MAST4: variants seen among roughly 807,000 people sequenced by gnomAD.
MAST4 encodes microtubule associated serine/threonine kinase family member 4.
Under a neutral mutation model 162.7 loss-of-function variants are expected in MAST4, and 89 were observed. That is an observed-to-expected ratio of 0.55 (90% confidence interval 0.46 to 0.65). The LOEUF is 0.65. MAST4 is among the 30% of genes least tolerant of loss of function. The pLI, the probability that MAST4 is intolerant of heterozygous loss-of-function variation, is 0.00. For missense variants in MAST4, 3,153 were observed against 3,374.0 expected (o/e 0.93, Z 1.62); for synonymous variants, 1,479 against 1,361.1 (o/e 1.09, Z -1.91).
chr5:66,915,148 C>T (rs1047933052), intron 4 of MAST4, among the ~76,000 whole-genome samples: 52 of 151,956 alleles, frequency 3.4e-4, no homozygotes, highest in African/African-American at 1.2e-3. Context: ...CACTTGTAAT[C>T]CCAGCTATTC....
In MAST4 at chr5:66,596,398, G is replaced by A; in HGVS notation, c.-258G>A. 5.2e-6 allele frequency: 2 copies of A among 384,068 alleles called. No homozygotes were observed. The highest frequency in any genetic ancestry group is 3.8e-5 in the East Asian group (1 of 26,168). The allele number at this position is 384,068 out of a possible 1,614,324, so 23.8% of individuals were successfully genotyped here. ...CTCGGGTGCAGCGCGGGAGCACAGT[G>A]GAGCGCAGATCGCGGACCCGAGCGG... On this transcript the variant is annotated 5_prime_UTR_variant, in exon 1 of 29. Transcript: ENST00000403625.
intron 3 of MAST4, among the ~76,000 whole-genome samples, chr5:66,809,459 C>G (rs1454103211): frequency 6.6e-6 from 1 of 152,126 alleles, no homozygotes; most frequent in Non-Finnish European, 1.5e-5. Context: ...GTTCAGTCAT[C>G]CTGTTGTCGT....
chr5:66,911,729 GTC>G (rs1186600161), intron 4 of MAST4, among the ~76,000 whole-genome samples: 1 of 151,800 alleles, frequency 6.6e-6, no homozygotes, highest in Non-Finnish European at 1.5e-5. Flanking sequence ...GTGGTACCCT[GTC>G]TCTAAAAAAT....
intron 1 of MAST4, among the ~76,000 whole-genome samples, chr5:66,729,836 A>T (rs1357101931): frequency 2.0e-5 from 3 of 152,334 alleles, no homozygotes; most frequent in South Asian, 4.1e-4. Flanking sequence ...TTTAAAATTA[A>T]TAAGTGCTGA....
intron 5 of MAST4, among the ~76,000 whole-genome samples, chr5:67,058,331 G>C (rs1759113394): frequency 6.6e-6 from 1 of 152,146 alleles, no homozygotes; most frequent in Non-Finnish European, 1.5e-5. Flanking sequence ...GGGTTGATGT[G>C]AATTAGTGTA....
rs898844934 is a variant in MAST4, at chr5:66,704,732, C to G, written c.364-54977C>G. ...AGCCAGGATGGTCTCTATCTCCTGA[C>G]CTCGTGATCCGCCTGCCTCAGCCTC... On this transcript the variant is annotated intron_variant, in intron 1 of 28. Coordinates refer to ENST00000403625, the MANE Select transcript of MAST4 (RefSeq NM_001164664.2). 3.3e-5 allele frequency among the ~76,000 whole-genome samples: 5 copies of G among 152,050 alleles called. No homozygotes were observed. The East Asian group carries it at 9.6e-4, about 29-fold the overall frequency.
intron 2 of MAST4, among the ~76,000 whole-genome samples, chr5:66,786,873 T>G (rs1755142433): frequency 6.6e-6 from 1 of 152,190 alleles, no homozygotes; most frequent in Non-Finnish European, 1.5e-5. Flanking sequence ...TTAATTGACA[T>G]TTGCTACATT....
At chr5:66,817,338 A>G (rs1215072508) in intron 3 of MAST4, among the ~76,000 whole-genome samples, 2 of 152,196 alleles carry the variant, frequency 1.3e-5, no homozygotes, top group African/African-American at 4.8e-5. Context: ...CTTTACTTGA[A>G]AAACCATTGA....
chr5:66,972,034 A>G (rs2150202446), intron 4 of MAST4, among the ~76,000 whole-genome samples: 1 of 152,352 alleles, frequency 6.6e-6, no homozygotes, highest in African/African-American at 2.4e-5. Context: ...CTCCAGCAGT[A>G]ACATAGATAA....
intron 3 of MAST4, among the ~76,000 whole-genome samples, chr5:66,858,604 G>A (rs1238067972): frequency 6.6e-6 from 1 of 152,072 alleles, no homozygotes; most frequent in African/African-American, 2.4e-5. Context: ...CTTTTGTAGG[G>A]CACGTCTCTT....
intron 1 of MAST4, among the ~76,000 whole-genome samples, chr5:66,629,504 C>T (rs1744662362): frequency 6.6e-6 from 1 of 152,248 alleles, no homozygotes; most frequent in South Asian, 2.1e-4. Flanking sequence ...GATTTTGAAC[C>T]ATTTCCACCT....
chr5:66,790,991 C>T (rs746925099), intron 3 of MAST4, among the ~76,000 whole-genome samples: 36 of 152,094 alleles, frequency 2.4e-4, no homozygotes, highest in Admixed American at 3.9e-4. Flanking sequence ...AACACTGTCA[C>T]AGAATAATAT....
chr5:66,676,269 G>C (rs1747941644), intron 1 of MAST4, among the ~76,000 whole-genome samples: 1 of 152,150 alleles, frequency 6.6e-6, no homozygotes, highest in Non-Finnish European at 1.5e-5. Context: ...GTGGATGTCA[G>C]TTGCAAAGAG....
intron 1 of MAST4, among the ~76,000 whole-genome samples, chr5:66,634,866 G>T (rs573394533): frequency 1.3e-5 from 2 of 152,326 alleles, no homozygotes; most frequent in South Asian, 4.1e-4. Flanking sequence ...CTGAAGCCCA[G>T]TGTGAGCCCT....
chr5:66,789,988 A>ATTTTTTTTTTTTTTTTTTTTTTTTT lies in MAST4; in HGVS notation c.642+1200_642+1224dup, dbSNP rs57743987. ...CTTTATGTTTAACATGCTTATTAGA[A>ATTTTTTTTTTTTTTTTTTTTTTTTT]TTTTTTTTTTTTTTTTTTTTTTTTT... On this transcript the variant is annotated intron_variant, in intron 3 of 28. Transcript: ENST00000403625. Among the ~76,000 whole-genome samples the ATTTTTTTTTTTTTTTTTTTTTTTTT allele has an allele frequency of 1.3e-4, 7 of 52,476 alleles. 1 individual carries two copies. Among genetic ancestry groups the ATTTTTTTTTTTTTTTTTTTTTTTTT allele is most frequent in the African/African-American group, 4.6e-4 (4 of 8,740 alleles). The allele number at this position is 52,476 out of a possible 152,430, so 34.4% of individuals were successfully genotyped here. A position where few individuals can be genotyped will look rare whatever the true frequency, so the allele number is the denominator to read the frequency against.
chr5:67,113,313 CAAAAAAAAAAAAAA>C (rs34018550), intron 11 of MAST4, among the ~76,000 whole-genome samples: 3 of 67,390 alleles, frequency 4.5e-5, no homozygotes, highest in Admixed American at 2.3e-4. Flanking sequence ...GACTCCGTCT[CAAAAAAAAAAAAAA>C]AAAAAAAAAA....
At chr5:66,790,923 T>C (rs546019306) in intron 3 of MAST4, among the ~76,000 whole-genome samples, 4 of 152,258 alleles carry the variant, frequency 2.6e-5, no homozygotes, top group Non-Finnish European at 5.9e-5. Context: ...ACATTATTCT[T>C]TACACCTAAA....
intron 4 of MAST4, among the ~76,000 whole-genome samples, chr5:67,028,040 G>T (rs988229464): frequency 2.0e-5 from 3 of 152,154 alleles, no homozygotes; most frequent in Admixed American, 6.6e-5. Flanking sequence ...CTGTGGAGTT[G>T]GGTGTAGAGA....
At chr5:67,041,641 CTT>C (rs1756754676) in intron 4 of MAST4, among the ~76,000 whole-genome samples, 1 of 152,094 alleles carries the variant, frequency 6.6e-6, no homozygotes, top group Non-Finnish European at 1.5e-5. Context: ...TATTCTTTTG[CTT>C]TTTGTGACAA....
Sources: gnomAD v4.1 joint callset for allele counts (sites outside exome capture counted in the v4.1 genomes callset) on GRCh38, gnomAD v4.1.1 for gene constraint, MANE v1.5 for transcripts, NCBI Gene and HGNC (gene_info 2026-07-23, HGNC 2026-07-21) for gene names.